The following RPS13 variants were observed in gnomAD, a reference collection of about 807,000 sequenced individuals.
RPS13 encodes ribosomal protein S13, also known as small ribosomal subunit protein uS15.
A neutral mutation model predicts 24.6 loss-of-function variants in RPS13; 1 was observed. The observed-to-expected ratio is 0.04, with a 90% CI of 0.01 to 0.19. RPS13 has a LOEUF of 0.19. RPS13 is among the 10% of genes least tolerant of loss of function. The pLI, the probability that RPS13 is intolerant of heterozygous loss-of-function variation, is 1.00. For missense variants in RPS13, 88 were observed against 187.4 expected (o/e 0.47, Z 3.10); for synonymous variants, 69 against 65.3 (o/e 1.06, Z -0.27).
Position 17,077,417 on chromosome 11 carries a change from C to G in RPS13, c.72+12G>C. 1 of 1,603,612 alleles carries G rather than the reference C, an allele frequency of 6.2e-7. No homozygotes were observed. The highest frequency in any genetic ancestry group is 8.5e-7 in the Non-Finnish European group (1 of 1,173,220). On this transcript the variant is annotated intron_variant, in intron 2 of 5. Transcript: ENST00000525634. ...CTCCCCGGATTCTCCCCGGTCCCAG[C>G]GCGCTACTTACAGTGGGGACGCTGC... is the stretch of plus-strand genomic sequence containing the variant.
intron 4 of RPS13, 38 bp from the exon 5 acceptor site, chr11:17,075,235 CA>C: frequency 7.2e-7 from 1 of 1,388,084 alleles, no homozygotes; most frequent in Non-Finnish European, 1.0e-6. Context: ...GAAAACCACC[CA>C]AAATGACCTA....
chr11:17,074,628 T>C, intron 5 of RPS13, 162 bp from the exon 6 acceptor site: 1 of 720,260 alleles, frequency 1.4e-6, no homozygotes. Context: ...CAACTCATTG[T>C]GTTCAAGCAC....
rs372733140 is a variant in RPS13 at position 17,077,600 on chromosome 11, C to G, written c.23+19G>C. ...TCCCACCCCCCGCCCAGCAATCCGG[C>G]TTGATGCCCCGAGCTCACCCGGGAG... is the stretch of plus-strand genomic sequence containing the variant. On this transcript the variant is annotated intron_variant, in intron 1 of 5. Transcript: ENST00000525634. 9.7e-7 allele frequency: 1 copy of G among 1,027,764 alleles called. No homozygotes were observed. The highest frequency in any genetic ancestry group is 1.7e-5 in the African/African-American group (1 of 60,392). 63.7% of individuals were successfully genotyped at this position (1,027,764 alleles called of 1,614,324 possible).
rs757695121 is a variant in RPS13, at chr11:17,075,121, C to T, written c.398G>A (p.Arg133Gln). Reference protein sequence around the residue: ...HRLARYYKTKRVLPPNWKYES... With the variant: ...HRLARYYKTKQVLPPNWKYES... ...CTATTTCCAATTGGGAGGGAGGACTCGCTTGGTCTTATAATATCGAGCCAA... is the reference window on the plus strand; with the variant it reads ...CTATTTCCAATTGGGAGGGAGGACTTGCTTGGTCTTATAATATCGAGCCAA... The change falls in exon 5 of 6, where the codon CGA (arginine) becomes CAA (glutamine). Residue 133 changes from arginine to glutamine, a missense_variant. Coordinates refer to ENST00000525634, the MANE Select transcript of RPS13 (RefSeq NM_001017.3). 6.2e-6 allele frequency: 10 copies of T among 1,610,294 alleles called. No homozygotes were observed. In the South Asian group the frequency reaches 6.6e-5, roughly 11 times the overall value.
intron 5 of RPS13, 106 bp from the exon 6 acceptor site, chr11:17,074,572 T>C: frequency 1.1e-6 from 1 of 891,296 alleles, no homozygotes; most frequent in South Asian, 1.4e-5. Flanking sequence ...AAACAGTTAA[T>C]AAATCCAAAC....
intron 3 of RPS13, chr11:17,076,004 C>A (rs1848020238): frequency 3.0e-6 from 1 of 332,088 alleles, no homozygotes; most frequent in Non-Finnish European, 6.0e-6. Flanking sequence ...TGACTACTTA[C>A]AATCTATGAC....
At chr11:17,075,349 T>G (rs1421090759) in intron 4 of RPS13, 105 bp downstream of exon 4, 11 of 1,055,100 alleles carry the variant, frequency 1.0e-5, no homozygotes, top group Non-Finnish European at 1.5e-5. Context: ...CTACACTGGT[T>G]TGTGTACTAA....
In RPS13 at chr11:17,077,258, T is replaced by A. The variant is rs758082991; in HGVS notation, c.73-12A>T. 10 of 1,612,548 alleles carry A rather than the reference T, an allele frequency of 6.2e-6. 1 individual carries two copies. The South Asian group carries it at 9.9e-5, about 16-fold the overall frequency. On this transcript the variant is annotated splice_polypyrimidine_tract_variant and intron_variant, in intron 2 of 5. Transcript: ENST00000525634. Reference sequence around the variant, plus strand: ...GTCAACTTCAACCACTGTTATGGAATAGAAAGCAGCCTTAGGATGAGAACC... The same window carrying A: ...GTCAACTTCAACCACTGTTATGGAAAAGAAAGCAGCCTTAGGATGAGAACC...
chr11:17,076,430 C>G (rs1020370313), intron 3 of RPS13: 3 of 298,168 alleles, frequency 1.0e-5, no homozygotes, highest in African/African-American at 2.3e-5. Flanking sequence ...CTGGCGGGCG[C>G]CTGTAATCCC....
chr11:17,077,616 C>T lies in RPS13; in HGVS notation c.23+3G>A. Reference sequence around the variant, plus strand: ...GCAATCCGGCTTGATGCCCCGAGCTCACCCGGGAGCATGCATGCGACCCAT... The same window carrying T: ...GCAATCCGGCTTGATGCCCCGAGCTTACCCGGGAGCATGCATGCGACCCAT... On this transcript the variant is annotated splice_donor_region_variant and intron_variant, in intron 1 of 5. Transcript: ENST00000525634. The T allele has an allele frequency of 6.5e-7, 1 of 1,536,636 alleles. No homozygotes were observed. Among genetic ancestry groups the T allele is most frequent in the Non-Finnish European group, 8.8e-7 (1 of 1,130,124 alleles).
chr11:17,075,264 T>TA, intron 4 of RPS13, 67 bp from the exon 5 acceptor site: 1 of 1,181,594 alleles, frequency 8.5e-7, no homozygotes, highest in Non-Finnish European at 1.2e-6. Context: ...CAAACATTAA[T>TA]AAGAGAATGT....
At chr11:17,076,619 C>A in intron 3 of RPS13, 1 of 381,972 alleles carries the variant, frequency 2.6e-6, no homozygotes, top group South Asian at 2.0e-5. Context: ...TTCATCATAG[C>A]TCACTGCAGC....
intron 3 of RPS13, chr11:17,075,950 C>T: frequency 2.3e-6 from 1 of 426,122 alleles, no homozygotes; most frequent in Non-Finnish European, 4.5e-6. Flanking sequence ...AGATATTCTT[C>T]TAAAAACTTT....
chr11:17,076,852 C>A (rs1007260235), intron 3 of RPS13: 1 of 449,424 alleles, frequency 2.2e-6, no homozygotes, highest in Non-Finnish European at 4.1e-6. Flanking sequence ...CTGTGAGGAA[C>A]TGTGTCAGGC....
intron 3 of RPS13, chr11:17,076,367 G>A (rs1203251187): frequency 3.4e-6 from 1 of 292,596 alleles, no homozygotes; most frequent in Non-Finnish European, 6.8e-6. Flanking sequence ...TCCAGCCTGG[G>A]TGACAAAGTG....
chr11:17,075,034 T>C (rs1848005620), intron 5 of RPS13, 63 bp downstream of exon 5: 4 of 1,111,912 alleles, frequency 3.6e-6, no homozygotes, highest in Non-Finnish European at 5.4e-6. Flanking sequence ...TATTTACTAC[T>C]AGGACTTTTA....
chr11:17,077,406 C>T, intron 2 of RPS13, 23 bp downstream of exon 2: 1 of 1,601,980 alleles, frequency 6.2e-7, no homozygotes, highest in Non-Finnish European at 8.5e-7. Context: ...CCGGATTCTC[C>T]CCGGTCCCAG....
chr11:17,075,754 A>G (rs185834273), intron 3 of RPS13, 131 bp from the exon 4 acceptor site: 3 of 750,360 alleles, frequency 4.0e-6, no homozygotes, highest in East Asian at 2.6e-5. Context: ...CATCACAGAA[A>G]CCAACGTGAG....
intron 4 of RPS13, 95 bp downstream of exon 4, chr11:17,075,359 A>C: frequency 9.1e-7 from 1 of 1,101,162 alleles, no homozygotes; most frequent in Non-Finnish European, 1.3e-6. Flanking sequence ...TTGTGTACTA[A>C]GCCTTGGATA....
Sources: allele counts gnomAD v4.1 joint callset, GRCh38; gene constraint gnomAD v4.1.1; transcripts MANE v1.5; gene names NCBI Gene and HGNC (gene_info 2026-07-23, HGNC 2026-07-21).